Variants in EED observed in about 807,000 individuals in gnomAD.
The protein encoded by EED is embryonic ectoderm development.
Under a neutral mutation model 61.0 loss-of-function variants are expected in EED, and 9 were observed. The ratio of observed to expected loss-of-function variants is 0.15; its 90% CI spans 0.09 to 0.26. The LOEUF (loss-of-function observed/expected upper bound fraction) is 0.26. Among genes scored for constraint, EED ranks in the 10% least tolerant of loss-of-function variants. The pLI is 1.00. For missense variants in EED, 315 were observed against 542.3 expected (o/e 0.58, Z 4.16); for synonymous variants, 187 against 174.4 (o/e 1.07, Z -0.57).
chr11:86,255,633 A>G (rs1207679763), intron 4 of EED, among the ~76,000 whole-genome samples: 5 of 152,174 alleles, frequency 3.3e-5, no homozygotes, highest in Non-Finnish European at 7.3e-5. Context: ...CTTGCCTAGA[A>G]TATATCATTT....
At chr11:86,250,584 T>C (rs1416364537) in intron 2 of EED, 136 bp downstream of exon 2, 2 of 1,057,410 alleles carry the variant, frequency 1.9e-6, no homozygotes, top group African/African-American at 3.3e-5. Flanking sequence ...AAGGGTTTTT[T>C]TTTTTGTAGT....
At chr11:86,264,007 C>T in intron 6 of EED, 165 bp from the exon 7 acceptor site, 1 of 577,584 alleles carries the variant, frequency 1.7e-6, no homozygotes, top group Non-Finnish European at 3.0e-6. Context: ...CTAGCTAATT[C>T]TACATCTGAT....
chr11:86,265,169 A>G (rs556442185), intron 7 of EED: 1 of 152,350 alleles, frequency 6.6e-6, no homozygotes, highest in East Asian at 1.9e-4. Context: ...GTTGACAGTG[A>G]GGTAATTAGA....
chr11:86,284,167 G>C, the EED span: 2 of 152,226 alleles, frequency 1.3e-5, no homozygotes, highest in Non-Finnish European at 2.9e-5. Flanking sequence ...GTAGCCTTTT[G>C]TGGTGAGACA....
chr11:86,278,270 A>G (rs913544172), intron 11 of EED, 129 bp from the exon 12 acceptor site: 15 of 1,418,762 alleles, frequency 1.1e-5, no homozygotes, highest in Non-Finnish European at 1.3e-5. Context: ...CTCTTAGTGA[A>G]GTATATTCTG....
chr11:86,274,113 T>C (rs1257251201), intron 9 of EED, among the ~76,000 whole-genome samples: 2 of 151,848 alleles, frequency 1.3e-5, no homozygotes, highest in Admixed American at 1.3e-4. Flanking sequence ...TTTTTTTTTT[T>C]TGTTCAGATT....
intron 6 of EED, among the ~76,000 whole-genome samples, chr11:86,259,548 C>T (rs1593740912): frequency 6.6e-6 from 1 of 152,088 alleles, no homozygotes; most frequent in East Asian, 1.9e-4. Flanking sequence ...AAACTCCTGG[C>T]CTCAAGCAGT....
chr11:86,280,563 C>G (rs963147911), downstream of EED, among the ~76,000 whole-genome samples: 1 of 152,044 alleles, frequency 6.6e-6, no homozygotes, highest in Admixed American at 6.6e-5. Flanking sequence ...AAATGGAAAT[C>G]AAGAAGAAAT....
intron 1 of EED, among the ~76,000 whole-genome samples, chr11:86,245,791 G>C (rs1176616622): frequency 6.6e-6 from 1 of 152,184 alleles, no homozygotes; most frequent in East Asian, 1.9e-4. Flanking sequence ...GATGGAAAGT[G>C]ATCTTCGATT....
At chr11:86,282,474 A>T (rs1946335233), downstream of EED, among the ~76,000 whole-genome samples, 1 of 152,126 alleles carries the variant, frequency 6.6e-6, no homozygotes, top group South Asian at 2.1e-4. Flanking sequence ...GTTGTTGGAC[A>T]TGTTCATTTC....
chr11:86,279,968 G>A (rs186450617), downstream of EED, among the ~76,000 whole-genome samples: 171 of 152,300 alleles, frequency 1.1e-3, no homozygotes, highest in Admixed American at 1.9e-3. Context: ...AGATTGCCTA[G>A]GTTCTTGTTG....
At chr11:86,271,205 T>C (rs1170193706) in intron 9 of EED, among the ~76,000 whole-genome samples, 1 of 152,230 alleles carries the variant, frequency 6.6e-6, no homozygotes, top group Non-Finnish European at 1.5e-5. Flanking sequence ...CTTTGACTTT[T>C]GTCATCAGCA....
At chr11:86,276,885 T>C (rs1946246422) in intron 9 of EED, 95 bp from the exon 10 acceptor site, 1 of 1,133,630 alleles carries the variant, frequency 8.8e-7, no homozygotes, top group Non-Finnish European at 1.2e-6. Context: ...TTCTAAGAGC[T>C]GTGAATTCCA....
intron 6 of EED, chr11:86,263,922 C>T: frequency 2.3e-6 from 1 of 443,022 alleles, no homozygotes; most frequent in South Asian, 3.5e-5. Context: ...GGCCCCAGCT[C>T]ACACCACTAT....
chr11:86,271,767 T>A (rs1946116208), intron 9 of EED, among the ~76,000 whole-genome samples: 1 of 152,132 alleles, frequency 6.6e-6, no homozygotes. Flanking sequence ...GTGTTGCCTA[T>A]TAATATAGTA....
chr11:86,286,163 T>C, the EED span, among the ~76,000 whole-genome samples: 1 of 151,986 alleles, frequency 6.6e-6, no homozygotes, highest in Non-Finnish European at 1.5e-5. Context: ...CCTGAGTAGC[T>C]GGGATTACAA....
At chr11:86,282,110 G>A (rs568719301), downstream of EED, among the ~76,000 whole-genome samples, 1 of 152,100 alleles carries the variant, frequency 6.6e-6, no homozygotes, top group African/African-American at 2.4e-5. Flanking sequence ...TTGTTTCGAA[G>A]CACATCCCAG....
intron 9 of EED, among the ~76,000 whole-genome samples, chr11:86,275,514 G>A (rs1669970274): frequency 6.6e-6 from 1 of 152,224 alleles, no homozygotes; most frequent in Admixed American, 6.5e-5. Context: ...AAAGCTCTTA[G>A]ATGATTTTGA....
chr11:86,264,071 G>A, intron 6 of EED, 101 bp from the exon 7 acceptor site: 1 of 862,778 alleles, frequency 1.2e-6, no homozygotes, highest in African/African-American at 1.7e-5. Context: ...GCTTTACTGT[G>A]CATAACTTAC....
Sources: allele counts gnomAD v4.1 joint callset (sites outside exome capture counted in the v4.1 genomes callset), GRCh38; gene constraint gnomAD v4.1.1; transcripts MANE v1.5; gene names NCBI Gene and HGNC (gene_info 2026-07-23, HGNC 2026-07-21).